The following HOOK1 variants were observed in gnomAD, a reference collection of about 807,000 sequenced individuals.
The protein encoded by HOOK1 is hook microtubule tethering protein 1.
Under a neutral mutation model 112.8 loss-of-function variants are expected in HOOK1, and 60 were observed. That is an observed-to-expected ratio of 0.53 (90% CI 0.43 to 0.66). The LOEUF (loss-of-function observed/expected upper bound fraction) is 0.66, where lower values mean the gene tolerates loss of function less well. HOOK1 is among the 30% of genes least tolerant of loss of function. The pLI is 0.00. For missense variants in HOOK1, 770 were observed against 856.0 expected (o/e 0.90, Z 1.25); for synonymous variants, 294 against 283.8 (o/e 1.04, Z -0.36).
chr1:59,858,344 A>G (rs1487446360), intron 12 of HOOK1, 84 bp from the exon 13 acceptor site: 22 of 851,908 alleles, frequency 2.6e-5, no homozygotes, highest in Admixed American at 2.4e-4. Context: ...CAATTATTAA[A>G]CTAGTTAAGA....
In HOOK1 at chr1:59,873,040, A is replaced by G. The variant is rs1644083251; in HGVS notation, c.*75A>G. ...TCCTTAAAATATTTTGTACCTTTCA[A>G]CTAACTACCAGATTGAAAAAGAGTT... On this transcript the variant is annotated 3_prime_UTR_variant, in exon 22 of 22. Coordinates refer to ENST00000371208, the MANE Select transcript of HOOK1 (RefSeq NM_015888.6). 2.7e-6 allele frequency: 3 copies of G among 1,111,384 alleles called. No homozygotes were observed. The highest frequency in any genetic ancestry group is 7.0e-5 in the South Asian group (2 of 28,500). 68.8% of individuals were successfully genotyped at this position (1,111,384 alleles called of 1,614,324 possible).
At chr1:59,849,293 A>G (rs2098405838) in intron 12 of HOOK1, 110 bp downstream of exon 12, 1 of 586,564 alleles carries the variant, frequency 1.7e-6, no homozygotes, top group Non-Finnish European at 2.8e-6. Context: ...CTTCCTCCAG[A>G]TTGAATTTTT....
intron 12 of HOOK1, among the ~76,000 whole-genome samples, chr1:59,854,032 ATATATATTTTTTTTTTTTTTTTTT>A (rs1166273562): frequency 3.0e-4 from 7 of 23,022 alleles, no homozygotes; most frequent in African/African-American, 1.5e-3. Context: ...ATATATATAT[ATATATATTTTTTTTTTTTTTTTTT>A]TTTTTTTTTT....
intron 20 of HOOK1, 161 bp from the exon 21 acceptor site, chr1:59,870,881 A>G (rs1000975175): frequency 1.9e-5 from 11 of 566,878 alleles, no homozygotes. Flanking sequence ...GGTGTTGGGC[A>G]TGCATTTGTG....
chr1:59,855,854 C>T (rs1323135137), intron 12 of HOOK1, among the ~76,000 whole-genome samples: 1 of 148,450 alleles, frequency 6.7e-6, no homozygotes, highest in Non-Finnish European at 1.5e-5. Context: ...CTCATTGAAG[C>T]CTCAACCCCT....
rs1004526031 is a variant in HOOK1, at chr1:59,859,523, T to C, written c.1391+478T>C. Among the ~76,000 whole-genome samples the C allele has an allele frequency of 2.0e-5, 3 of 152,118 alleles. No homozygotes were observed. The South Asian group carries it at 6.2e-4, about 32-fold the overall frequency. On this transcript the variant is annotated intron_variant, in intron 14 of 21. Coordinates refer to ENST00000371208, the MANE Select transcript of HOOK1 (RefSeq NM_015888.6). ...GCTTTTTTTTTAAGAGTTATACTATTGGCATTCAGAAGAACAAAAATTGAG... is the reference window on the plus strand; with the variant it reads ...GCTTTTTTTTTAAGAGTTATACTATCGGCATTCAGAAGAACAAAAATTGAG...
chr1:59,846,383 T>C (rs2098403793), intron 9 of HOOK1, among the ~76,000 whole-genome samples: 1 of 151,716 alleles, frequency 6.6e-6, no homozygotes, highest in African/African-American at 2.4e-5. Context: ...TTTATTGGCC[T>C]TCTATATTAT....
At chr1:59,859,802 T>C (rs2098412613) in intron 14 of HOOK1, among the ~76,000 whole-genome samples, 1 of 152,070 alleles carries the variant, frequency 6.6e-6, no homozygotes, top group Non-Finnish European at 1.5e-5. Context: ...CTATTGCTTT[T>C]CTTTTATGTG....
chr1:59,823,263 T>G (rs929912939), intron 2 of HOOK1, among the ~76,000 whole-genome samples: 2 of 152,160 alleles, frequency 1.3e-5, no homozygotes, highest in Non-Finnish European at 2.9e-5. Context: ...GAGCTCACAG[T>G]GAGCCGAGAT....
intron 5 of HOOK1, among the ~76,000 whole-genome samples, chr1:59,834,316 A>G (rs576303478): frequency 6.6e-6 from 1 of 152,346 alleles, no homozygotes; most frequent in East Asian, 1.9e-4. Context: ...TGACTAATGA[A>G]GAAAGGATAT....
At chr1:59,835,717 G>A (rs1397561963) in intron 6 of HOOK1, among the ~76,000 whole-genome samples, 2 of 152,068 alleles carry the variant, frequency 1.3e-5, no homozygotes, top group African/African-American at 2.4e-5. Context: ...CCACAGACCC[G>A]GGGTGGCGGG....
chr1:59,870,982 T>C (rs987151088), intron 20 of HOOK1, 60 bp from the exon 21 acceptor site: 1 of 1,076,820 alleles, frequency 9.3e-7, no homozygotes, highest in Admixed American at 1.7e-5. Flanking sequence ...GAAATTATTC[T>C]ATCTTTAGTA....
intron 15 of HOOK1, among the ~76,000 whole-genome samples, chr1:59,860,866 C>T (rs1348882281): frequency 2.0e-5 from 3 of 151,644 alleles, no homozygotes; most frequent in Non-Finnish European, 2.9e-5. Flanking sequence ...TTCCGCCTCA[C>T]GGGTTCAAGC....
In HOOK1 at chr1:59,828,815, G is replaced by T. The variant is rs368144967; in HGVS notation, c.185G>T (p.Arg62Leu). 1 of 1,613,184 alleles carries T rather than the reference G, an allele frequency of 6.2e-7. No individual in the cohort carries two copies. The highest frequency in any genetic ancestry group is 8.5e-7 in the Non-Finnish European group (1 of 1,179,536). ...AAWFNESWLS[R>L]IKEDVGDNWR... ...TGGTTTAACGAATCTTGGTTAAGCC[G>T]AATTAAAGAGGATGTTGGGGACAAC... Residue 62 changes from arginine (R) to leucine (L), a missense_variant, in exon 3 of 22, where the codon CGA becomes CTA. This residue lies in a region of HOOK1 where 655 missense variants were observed against 725.9 expected (regional missense o/e 0.90). Transcript: ENST00000371208.
rs1644122439 is a variant in HOOK1, at chr1:59,876,027, A to G, written c.*3062A>G. On this transcript the variant is annotated 3_prime_UTR_variant, in exon 22 of 22. Transcript: ENST00000371208. ...GTAGTGTCTGTGTTAAGTTCACTAAATGTGTATTTAATGAGAAACATTCCT... is the reference window on the plus strand; with the variant it reads ...GTAGTGTCTGTGTTAAGTTCACTAAGTGTGTATTTAATGAGAAACATTCCT... 6.6e-6 allele frequency: 1 copy of G among 152,664 alleles called. No individual in the cohort carries two copies. 9.5% of individuals were successfully genotyped at this position (152,664 alleles called of 1,614,324 possible). A position where few individuals can be genotyped will look rare whatever the true frequency, so the allele number is the denominator to read the frequency against.
chr1:59,837,384 C>G (rs925410024), intron 7 of HOOK1, among the ~76,000 whole-genome samples: 4 of 152,050 alleles, frequency 2.6e-5, no homozygotes, highest in Admixed American at 2.6e-4. Context: ...ATAACCCAAT[C>G]TGGGTTATAG....
chr1:59,863,895 T>C lies in HOOK1; in HGVS notation c.1627-737T>C, dbSNP rs375679911. ...TATTGTAACTTCTCTAATACAAATA[T>C]TATTTTAAGCCATACTAGAGAATAC... On this transcript the variant is annotated intron_variant, in intron 16 of 21. Transcript: ENST00000371208. The C allele has an allele frequency of 2.2e-4, 189 of 850,970 alleles. 4 individuals carry two copies. The East Asian group carries it at 0.018, about 81-fold the overall frequency. The allele number at this position is 850,970 out of a possible 1,614,324, so 52.7% of individuals were successfully genotyped here.
intron 12 of HOOK1, among the ~76,000 whole-genome samples, chr1:59,854,031 TATATATA>T (rs1310764816): frequency 1.2e-3 from 36 of 29,906 alleles, no homozygotes; most frequent in African/African-American, 3.2e-3. Flanking sequence ...TATATATATA[TATATATA>T]TTTTTTTTTT....
chr1:59,858,737 A>G (rs542261056), intron 13 of HOOK1, among the ~76,000 whole-genome samples: 1 of 148,918 alleles, frequency 6.7e-6, no homozygotes, highest in Non-Finnish European at 1.5e-5. Flanking sequence ...AAAGAGAGAA[A>G]GAGAGAAAGG....
Sources: gnomAD v4.1 joint callset for allele counts (sites outside exome capture counted in the v4.1 genomes callset) on GRCh38, gnomAD v4.1.1 for gene constraint, gnomAD v4.1.1 regional missense constraint, MANE v1.5 for transcripts, NCBI Gene and HGNC (gene_info 2026-07-23, HGNC 2026-07-21) for gene names.